The following SOX5 variants were observed in gnomAD, a reference collection of about 807,000 sequenced individuals.
SOX5 encodes transcription factor SOX-5.
SOX5 carries 9 observed loss-of-function variants against 92.0 expected under a neutral mutation model. That is an observed-to-expected ratio of 0.10 (90% CI 0.06 to 0.17). The LOEUF (loss-of-function observed/expected upper bound fraction) is 0.17, where lower values mean the gene tolerates loss of function less well. SOX5 is among the 10% of genes least tolerant of loss of function. The probability of loss-of-function intolerance (pLI) is 1.00; values close to 1 mark genes in which losing one functional copy is unlikely to be tolerated. For missense variants in SOX5, 642 were observed against 944.5 expected, an observed-to-expected ratio of 0.68 and a Z score of 4.20; for synonymous variants, 344 against 336.3, an observed-to-expected ratio of 1.02 and a Z score of -0.25.
intron 3 of SOX5, among the ~76,000 whole-genome samples, chr12:23,816,937 G>A (rs2096007459): frequency 6.6e-6 from 1 of 152,136 alleles, no homozygotes; most frequent in African/African-American, 2.4e-5. Flanking sequence ...CACTGAGGTT[G>A]CTCCTCCATT....
intron 3 of SOX5, among the ~76,000 whole-genome samples, chr12:23,840,183 A>G (rs186164020): frequency 2.1e-4 from 32 of 152,228 alleles, no homozygotes; most frequent in African/African-American, 7.5e-4. Flanking sequence ...TATTTCAGCA[A>G]CAAACAATTG....
At chr12:24,251,540 G>A (rs1429035933) in intron 3 of SOX5, among the ~76,000 whole-genome samples, 1 of 150,694 alleles carries the variant, frequency 6.6e-6, no homozygotes, top group Non-Finnish European at 1.5e-5. Flanking sequence ...AGATATCCTT[G>A]TCCTATTGAA....
At chr12:24,386,109 G>A (rs1034937082) in intron 1 of SOX5, among the ~76,000 whole-genome samples, 2 of 151,986 alleles carry the variant, frequency 1.3e-5, no homozygotes, top group South Asian at 4.1e-4. Flanking sequence ...ATATTGTCTA[G>A]TTCAACTTCA....
At chr12:23,899,623 A>G (rs1312020760) in intron 1 of SOX5, among the ~76,000 whole-genome samples, 2 of 152,222 alleles carry the variant, frequency 1.3e-5, no homozygotes, top group African/African-American at 4.8e-5. Flanking sequence ...CATAAGACAG[A>G]CAAATATAAT....
At chr12:23,877,199 G>A (rs2096937115) in intron 2 of SOX5, among the ~76,000 whole-genome samples, 1 of 152,090 alleles carries the variant, frequency 6.6e-6, no homozygotes, top group African/African-American at 2.4e-5. Context: ...TATTCAAAGT[G>A]TTAAAGGACT....
intron 9 of SOX5, among the ~76,000 whole-genome samples, chr12:23,598,725 G>GT: frequency 6.6e-6 from 1 of 152,124 alleles, no homozygotes; most frequent in Non-Finnish European, 1.5e-5. Context: ...TTTAACAGAT[G>GT]TTTTTTGTCA....
At position 23,880,124 on chromosome 12, in the gene SOX5, C is replaced by T. The variant is rs979479349; in HGVS notation, c.270+15669G>A. On this transcript the variant is annotated intron_variant, in intron 2 of 14. Coordinates refer to ENST00000451604, the MANE Select transcript of SOX5 (RefSeq NM_006940.6). Reference sequence around the variant, plus strand: ...TAATCTATTTCAATTGCTCAGGCCCCTTAAAGAATATAATCAAAGCTGTGG... The same window carrying T: ...TAATCTATTTCAATTGCTCAGGCCCTTTAAAGAATATAATCAAAGCTGTGG... 2.0e-5 allele frequency among the ~76,000 whole-genome samples: 3 copies of T among 152,272 alleles called. No individual in the cohort carries two copies. The East Asian group carries it at 5.8e-4, about 29-fold the overall frequency.
At chr12:23,953,956 A>T (rs1454583831), upstream of SOX5, among the ~76,000 whole-genome samples, 2 of 152,064 alleles carry the variant, frequency 1.3e-5, no homozygotes, top group East Asian at 3.8e-4. Context: ...AGGCTAAGGA[A>T]TATAAGATAT....
At chr12:23,895,529 A>G (rs968432381) in intron 2 of SOX5, among the ~76,000 whole-genome samples, 1 of 152,182 alleles carries the variant, frequency 6.6e-6, no homozygotes, top group Non-Finnish European at 1.5e-5. Context: ...CATTATTTTT[A>G]TATTTTGTAT....
intron 2 of SOX5, among the ~76,000 whole-genome samples, chr12:23,860,992 G>C (rs1459776613): frequency 9.1e-6 from 1 of 109,496 alleles, no homozygotes; most frequent in Non-Finnish European, 1.9e-5. Context: ...TGCCAACATA[G>C]AAATAATAAT....
chr12:23,753,424 T>C (rs1255276238), intron 4 of SOX5, among the ~76,000 whole-genome samples: 1 of 151,658 alleles, frequency 6.6e-6, no homozygotes, highest in Non-Finnish European at 1.5e-5. Flanking sequence ...CTAATATAAA[T>C]GGAGGAGAAA....
At chr12:23,592,585 A>C (rs183640007) in intron 9 of SOX5, among the ~76,000 whole-genome samples, 44 of 152,242 alleles carry the variant, frequency 2.9e-4, no homozygotes, top group African/African-American at 1.0e-3. Flanking sequence ...ACAAATTCCT[A>C]CCTATTCTTG....
chr12:24,055,657 T>C (rs1305753753), intron 4 of SOX5, among the ~76,000 whole-genome samples: 1 of 152,244 alleles, frequency 6.6e-6, no homozygotes, highest in Non-Finnish European at 1.5e-5. Flanking sequence ...CATAAGATTC[T>C]TTCAAAATAA....
intron 4 of SOX5, among the ~76,000 whole-genome samples, chr12:24,176,315 C>T (rs980380264): frequency 4.0e-5 from 6 of 151,190 alleles, no homozygotes; most frequent in Admixed American, 6.6e-5. Context: ...GGTAACAGGA[C>T]GAGACCCTGT....
intron 3 of SOX5, among the ~76,000 whole-genome samples, chr12:24,239,007 T>C (rs1965061682): frequency 6.6e-6 from 1 of 152,214 alleles, no homozygotes; most frequent in African/African-American, 2.4e-5. Flanking sequence ...GATCTGCCTT[T>C]TATTTATAAG....
At chr12:23,980,386 T>C (rs143037303) in intron 4 of SOX5, among the ~76,000 whole-genome samples, 1 of 152,274 alleles carries the variant, frequency 6.6e-6, no homozygotes, top group Non-Finnish European at 1.5e-5. Flanking sequence ...TCAATAATAT[T>C]CCTTTAAATG....
At chr12:24,362,866 G>GAAA (rs35979193) in intron 2 of SOX5, among the ~76,000 whole-genome samples, 28 of 102,148 alleles carry the variant, frequency 2.7e-4, no homozygotes, top group African/African-American at 4.3e-4. Context: ...AAACCACAGT[G>GAAA]AAAAAAAAAA....
chr12:23,986,419 C>A (rs1950069726), intron 4 of SOX5, among the ~76,000 whole-genome samples: 1 of 152,010 alleles, frequency 6.6e-6, no homozygotes, highest in Non-Finnish European at 1.5e-5. Flanking sequence ...CTTATTATCA[C>A]TTTAGGTGCT....
At chr12:23,825,729 T>C (rs577302353) in intron 3 of SOX5, among the ~76,000 whole-genome samples, 3 of 152,306 alleles carry the variant, frequency 2.0e-5, no homozygotes, top group Admixed American at 6.5e-5. Flanking sequence ...ATAGATAATA[T>C]TTTAGAAGGT....
Sources: allele counts gnomAD v4.1 joint callset (sites outside exome capture counted in the v4.1 genomes callset), GRCh38; gene constraint gnomAD v4.1.1; transcripts MANE v1.5; gene names NCBI Gene and HGNC (gene_info 2026-07-23, HGNC 2026-07-21).